The following A1CF variants were observed in gnomAD, a reference collection of about 807,000 sequenced individuals.
The protein encoded by A1CF is APOBEC1 complementation factor.
A neutral mutation model predicts 68.9 loss-of-function variants in A1CF; 48 were observed. The observed-to-expected ratio is 0.70, with a 90% confidence interval of 0.55 to 0.89. The LOEUF is 0.89. A1CF is among the 40% of genes least tolerant of loss of function. The probability of loss-of-function intolerance (pLI) is 0.00; values close to 1 mark genes in which losing one functional copy is unlikely to be tolerated. For synonymous variants in A1CF, 272 were observed against 260.4 expected, an observed-to-expected ratio of 1.04 and a Z score of -0.43; for missense variants, 653 against 718.9, an observed-to-expected ratio of 0.91 and a Z score of 1.05.
rs541916355 is a variant in A1CF, at chr10:50,873,960, T to C, written c.-93-9880A>G. ...AAATGAACAAATGATTATTTTATTA[T>C]AATTTTAATATGTGTTTGTGTATAT... On this transcript the variant is annotated intron_variant, in intron 1 of 12. Transcript: ENST00000373997. 6.4e-4 allele frequency among the ~76,000 whole-genome samples: 98 copies of C among 152,212 alleles called. 1 individual carries two copies. The highest frequency in any genetic ancestry group is 1.2e-3 in the Non-Finnish European group (80 of 68,012).
At chr10:50,840,723 T>C (rs1839735710) in intron 5 of A1CF, among the ~76,000 whole-genome samples, 1 of 152,204 alleles carries the variant, frequency 6.6e-6, no homozygotes, top group Non-Finnish European at 1.5e-5. Flanking sequence ...GTGACCTGTC[T>C]CCTGACTCCA....
At chr10:50,855,562 T>C (rs1276152874) in intron 3 of A1CF, among the ~76,000 whole-genome samples, 1 of 152,004 alleles carries the variant, frequency 6.6e-6, no homozygotes, top group Non-Finnish European at 1.5e-5. Context: ...TATCCAAAGA[T>C]GTTTGATTAT....
Position 50,799,760 on chromosome 10 carries a change from T to A in A1CF, c.*6969A>T, listed in dbSNP as rs1160840315. 6.6e-6 allele frequency: 1 copy of A among 152,122 alleles called. No individual in the cohort carries two copies. The highest frequency in any genetic ancestry group is 2.4e-5 in the African/African-American group (1 of 41,450). 9.4% of individuals were successfully genotyped at this position (152,122 alleles called of 1,614,324 possible). ...AACAAAAAAGAAAAGAAGAAAGAGA[T>A]TGTTAAACATCTGGAAACTATAAAT... On this transcript the variant is annotated 3_prime_UTR_variant, in exon 13 of 13. Coordinates refer to ENST00000373997, the MANE Select transcript of A1CF (RefSeq NM_014576.4).
At chr10:50,858,862 CTT>C (rs1282646348) in intron 3 of A1CF, among the ~76,000 whole-genome samples, 2 of 151,940 alleles carry the variant, frequency 1.3e-5, no homozygotes, top group African/African-American at 4.8e-5. Flanking sequence ...ATAATAGAAA[CTT>C]TTTGAAATCT....
chr10:50,813,775 A>G (rs1838233180), intron 10 of A1CF, 82 bp downstream of exon 10: 2 of 1,446,028 alleles, frequency 1.4e-6, no homozygotes, highest in East Asian at 2.3e-5. Context: ...TTGAGTAGGG[A>G]TCAAGTCAAA....
intron 4 of A1CF, among the ~76,000 whole-genome samples, chr10:50,843,063 A>C (rs893221863): frequency 3.9e-5 from 6 of 152,318 alleles, no homozygotes; most frequent in African/African-American, 1.4e-4. Flanking sequence ...GCATGTCTGG[A>C]GAGAAGTGCC....
chr10:50,857,646 C>G (rs188106613), intron 3 of A1CF, among the ~76,000 whole-genome samples: 38 of 152,276 alleles, frequency 2.5e-4, no homozygotes, highest in Non-Finnish European at 4.3e-4. Context: ...ATGTGTATTC[C>G]CTGCCTTTGT....
At chr10:50,842,114 C>T in intron 4 of A1CF, 122 bp from the exon 5 acceptor site, 1 of 882,862 alleles carries the variant, frequency 1.1e-6, no homozygotes, top group Non-Finnish European at 1.7e-6. Context: ...TTGCCTCCTG[C>T]CAGTACTATT....
intron 5 of A1CF, among the ~76,000 whole-genome samples, chr10:50,837,950 A>G (rs1457744200): frequency 6.6e-6 from 1 of 152,236 alleles, no homozygotes; most frequent in Non-Finnish European, 1.5e-5. Flanking sequence ...AGACAATAAA[A>G]TATCAACATA....
chr10:50,830,388 T>C (rs1839180373), intron 6 of A1CF, among the ~76,000 whole-genome samples: 6 of 152,186 alleles, frequency 3.9e-5, no homozygotes, highest in Admixed American at 3.3e-4. Context: ...AATATTCCAT[T>C]GTAACTAATA....
At chr10:50,838,555 C>T (rs939767027) in intron 5 of A1CF, among the ~76,000 whole-genome samples, 2 of 151,896 alleles carry the variant, frequency 1.3e-5, no homozygotes, top group South Asian at 2.1e-4. Context: ...GCACCTTTCC[C>T]GGAATTATTT....
chr10:50,819,822 G>A (rs539007002), intron 8 of A1CF, among the ~76,000 whole-genome samples: 5 of 152,094 alleles, frequency 3.3e-5, no homozygotes, highest in Non-Finnish European at 7.4e-5. Context: ...CCATGAAGAT[G>A]TTTTATTCTT....
intron 12 of A1CF, 90 bp downstream of exon 12, chr10:50,809,804 A>T: frequency 3.9e-6 from 6 of 1,554,944 alleles, no homozygotes; most frequent in Non-Finnish European, 5.2e-6. Flanking sequence ...TAAGTAGGGT[A>T]CACAAACATT....
intron 1 of A1CF, among the ~76,000 whole-genome samples, chr10:50,865,263 G>A (rs567521187): frequency 6.6e-6 from 1 of 151,298 alleles, no homozygotes; most frequent in African/African-American, 2.4e-5. Flanking sequence ...TGTCTCAAAG[G>A]TACTCCTACT....
At position 50,879,985 on chromosome 10, in the gene A1CF, C is replaced by T. The variant is rs540167898; in HGVS notation, c.-94+5596G>A. Among the ~76,000 whole-genome samples the T allele has an allele frequency of 5.9e-5, 9 of 152,142 alleles. No individual in the cohort carries two copies. The South Asian group carries it at 1.0e-3, about 18-fold the overall frequency. ...TTTAACTATAGGGATTCTATTAATT[C>T]GTCTCTCAGAATTTTCACAGAGAAT... is the stretch of plus-strand genomic sequence containing the variant. On this transcript the variant is annotated intron_variant, in intron 1 of 12. Transcript: ENST00000373997.
At chr10:50,841,786 T>C (rs1839789992) in intron 5 of A1CF, 76 bp downstream of exon 5, 1 of 1,558,830 alleles carries the variant, frequency 6.4e-7, no homozygotes, top group Non-Finnish European at 8.7e-7. Flanking sequence ...ATACACCATA[T>C]TAGATAAACT....
intron 7 of A1CF, among the ~76,000 whole-genome samples, chr10:50,825,453 G>A (rs116230622): frequency 0.013 from 2,047 of 152,256 alleles, 55 homozygotes; most frequent in African/African-American, 0.046. Flanking sequence ...AAGCATGTTA[G>A]AAGGCAAAAG....
intron 3 of A1CF, chr10:50,850,635 G>A: frequency 2.5e-6 from 4 of 1,613,510 alleles, no homozygotes; most frequent in Non-Finnish European, 3.4e-6. Flanking sequence ...CGAGTAAAAT[G>A]CCAACTCACT....
At chr10:50,808,499 T>G (rs1158713425) in intron 12 of A1CF, among the ~76,000 whole-genome samples, 8 of 152,208 alleles carry the variant, frequency 5.3e-5, no homozygotes, top group Non-Finnish European at 1.2e-4. Flanking sequence ...CTCAACTTTC[T>G]CTAGGAACTG....
Sources: allele counts gnomAD v4.1 joint callset (sites outside exome capture counted in the v4.1 genomes callset), GRCh38; gene constraint gnomAD v4.1.1; transcripts MANE v1.5; gene names NCBI Gene and HGNC (gene_info 2026-07-23, HGNC 2026-07-21).